The following ZFAND3 variants were observed in gnomAD, a reference collection of about 807,000 sequenced individuals.
ZFAND3 encodes zinc finger AN1-type containing 3, also known as AN1-type zinc finger protein 3.
A neutral mutation model predicts 29.6 loss-of-function variants in ZFAND3; 10 were observed. The ratio of observed to expected loss-of-function variants is 0.34; its 90% confidence interval spans 0.21 to 0.57. The LOEUF (loss-of-function observed/expected upper bound fraction) is 0.57, where lower values mean the gene tolerates loss of function less well. Among genes scored for constraint, ZFAND3 ranks in the 20% least tolerant of loss-of-function variants. ZFAND3 has a pLI of 0.86. For synonymous variants in ZFAND3, 128 were observed against 112.6 expected, an observed-to-expected ratio of 1.14 and a Z score of -0.87; for missense variants, 230 against 304.5, an observed-to-expected ratio of 0.76 and a Z score of 1.82.
chr6:37,860,746 G>GT (rs201658399), intron 1 of ZFAND3, among the ~76,000 whole-genome samples: 9,944 of 135,590 alleles, frequency 0.073, 384 homozygotes, highest in Non-Finnish European at 0.092. Context: ...TTTTCACCCA[G>GT]TTTTTTTTTT....
At chr6:38,151,209 C>G (rs1766215468) in intron 5 of ZFAND3, among the ~76,000 whole-genome samples, 1 of 152,192 alleles carries the variant, frequency 6.6e-6, no homozygotes, top group African/African-American at 2.4e-5. Flanking sequence ...GCCCTCCCCT[C>G]CTTGTTCCTG....
intron 2 of ZFAND3, among the ~76,000 whole-genome samples, chr6:38,055,981 T>C (rs1324662551): frequency 6.6e-6 from 1 of 152,234 alleles, no homozygotes. Flanking sequence ...GACTGACAAG[T>C]GAACGGATGA....
At chr6:38,041,635 T>C (rs1206304506) in intron 2 of ZFAND3, among the ~76,000 whole-genome samples, 172 of 7,810 alleles carry the variant, frequency 0.022, 6 homozygotes, top group South Asian at 0.15. Flanking sequence ...CTACTTTTTC[T>C]TCTTCTTCTT....
intron 2 of ZFAND3, among the ~76,000 whole-genome samples, chr6:38,004,681 A>T (rs1016091486): frequency 4.6e-5 from 7 of 152,200 alleles, no homozygotes; most frequent in African/African-American, 1.7e-4. Context: ...TAAGTTTATA[A>T]TCTTCAGACT....
At chr6:37,909,090 T>C (rs993026120) in intron 1 of ZFAND3, among the ~76,000 whole-genome samples, 5 of 152,144 alleles carry the variant, frequency 3.3e-5, no homozygotes, top group African/African-American at 9.7e-5. Flanking sequence ...AATTTACTTA[T>C]GAATTTGTTA....
At chr6:37,937,500 C>G (rs1266111706) in intron 2 of ZFAND3, among the ~76,000 whole-genome samples, 1 of 151,748 alleles carries the variant, frequency 6.6e-6, no homozygotes, top group African/African-American at 2.4e-5. Context: ...ACTAAAAATA[C>G]AAAAATTAGC....
chr6:37,843,633 G>T (rs902713243), intron 1 of ZFAND3, among the ~76,000 whole-genome samples: 1 of 152,160 alleles, frequency 6.6e-6, no homozygotes, highest in Non-Finnish European at 1.5e-5. Flanking sequence ...CATTATTCCT[G>T]TTTAGAGACC....
intron 2 of ZFAND3, among the ~76,000 whole-genome samples, chr6:37,986,616 G>A (rs1762675220): frequency 6.6e-6 from 1 of 152,108 alleles, no homozygotes; most frequent in African/African-American, 2.4e-5. Context: ...CGTCTGTCCA[G>A]CTTTATGTTG....
chr6:37,860,514 T>C (rs1293411268), intron 1 of ZFAND3, among the ~76,000 whole-genome samples: 2 of 152,176 alleles, frequency 1.3e-5, no homozygotes, highest in Non-Finnish European at 2.9e-5. Flanking sequence ...AAATTTTTTA[T>C]TCTCTGTAGA....
At chr6:38,099,220 A>C (rs1765044322) in intron 4 of ZFAND3, among the ~76,000 whole-genome samples, 1 of 152,188 alleles carries the variant, frequency 6.6e-6, no homozygotes, top group African/African-American at 2.4e-5. Flanking sequence ...ATGAGAAGAT[A>C]CTTTAGCCAA....
At chr6:37,914,244 G>T (rs1428143284) in intron 1 of ZFAND3, among the ~76,000 whole-genome samples, 1 of 152,152 alleles carries the variant, frequency 6.6e-6, no homozygotes. Context: ...GTTCTTAACA[G>T]TGGGCTTAAA....
chr6:37,861,902 A>G (rs1764499510), intron 1 of ZFAND3, among the ~76,000 whole-genome samples: 1 of 152,220 alleles, frequency 6.6e-6, no homozygotes, highest in African/African-American at 2.4e-5. Context: ...AATAGAAAAT[A>G]TGTTGTATGT....
At chr6:37,857,771 A>G (rs1300122614) in intron 1 of ZFAND3, among the ~76,000 whole-genome samples, 1 of 152,198 alleles carries the variant, frequency 6.6e-6, no homozygotes, top group African/African-American at 2.4e-5. Context: ...ATAAGAGTAT[A>G]ATAGTTTATG....
intron 2 of ZFAND3, among the ~76,000 whole-genome samples, chr6:37,976,429 C>T (rs1342280032): frequency 6.6e-6 from 1 of 151,566 alleles, no homozygotes; most frequent in Non-Finnish European, 1.5e-5. Context: ...CAAAAAAAGA[C>T]AAAAATTATC....
intron 1 of ZFAND3, among the ~76,000 whole-genome samples, chr6:37,921,793 C>T (rs553410741): frequency 1.6e-4 from 24 of 151,836 alleles, no homozygotes; most frequent in Non-Finnish European, 2.6e-4. Context: ...TACCTGTAAT[C>T]GCAGCACTTT....
chr6:38,013,055 A>G (rs189080278), intron 2 of ZFAND3, among the ~76,000 whole-genome samples: 78 of 152,302 alleles, frequency 5.1e-4, no homozygotes, highest in Admixed American at 4.7e-3. Flanking sequence ...TACGTAGTCA[A>G]CTTTTTGTTC....
At chr6:37,873,338 C>T (rs558389278) in intron 1 of ZFAND3, among the ~76,000 whole-genome samples, 80 of 152,304 alleles carry the variant, frequency 5.3e-4, no homozygotes, top group African/African-American at 1.5e-3. Flanking sequence ...TTTCTGTGTG[C>T]TACCCCCTAG....
At chr6:38,145,766 T>TA (rs1471351472) in intron 5 of ZFAND3, among the ~76,000 whole-genome samples, 1 of 152,188 alleles carries the variant, frequency 6.6e-6, no homozygotes, top group African/African-American at 2.4e-5. Context: ...CATGGGTCAT[T>TA]AGGGCCATAG....
At chr6:37,886,788 G>T (rs1473726793) in intron 1 of ZFAND3, among the ~76,000 whole-genome samples, 2 of 152,032 alleles carry the variant, frequency 1.3e-5, no homozygotes, top group Non-Finnish European at 2.9e-5. Context: ...TGAGGCCAGG[G>T]GTTCAAGACC....
Sources: gnomAD v4.1 joint callset for allele counts (sites outside exome capture counted in the v4.1 genomes callset) on GRCh38, gnomAD v4.1.1 for gene constraint, MANE v1.5 for transcripts, NCBI Gene and HGNC (gene_info 2026-07-23, HGNC 2026-07-21) for gene names.